Variants in ECHDC1 observed in about 807,000 individuals in gnomAD.
ECHDC1 encodes the protein ethylmalonyl-CoA decarboxylase.
In ECHDC1, 29 loss-of-function variants were observed where a neutral mutation model predicts 29.7. The ratio of observed to expected loss-of-function variants is 0.98; its 90% CI spans 0.73 to 1.33. The LOEUF is 1.33. Ranked by LOEUF, ECHDC1 falls within the 40% of genes most tolerant of loss-of-function variation. The pLI, the probability that ECHDC1 is intolerant of heterozygous loss-of-function variation, is 0.00. For missense variants in ECHDC1, 328 were observed against 350.0 expected (o/e 0.94, Z 0.50); for synonymous variants, 126 against 123.1 (o/e 1.02, Z -0.15).
chr6:127,325,315 A>G (rs1473515628), intron 3 of ECHDC1, among the ~76,000 whole-genome samples: 1 of 152,222 alleles, frequency 6.6e-6, no homozygotes. Context: ...AGGAATCTGA[A>G]ACAATGACAG....
chr6:127,336,691 C>T (rs533814627), intron 1 of ECHDC1, among the ~76,000 whole-genome samples: 10 of 152,072 alleles, frequency 6.6e-5, no homozygotes, highest in Middle Eastern at 6.8e-3. Context: ...ATATTTTACC[C>T]TGAAGGAGAA....
At chr6:127,315,081 A>T in intron 4 of ECHDC1, 185 bp from the exon 5 acceptor site, 1 of 701,080 alleles carries the variant, frequency 1.4e-6, no homozygotes, top group South Asian at 1.5e-5. Context: ...AAAACAGTGT[A>T]ATACTAAACA....
intron 2 of ECHDC1, chr6:127,329,822 C>A: frequency 2.3e-6 from 1 of 434,216 alleles, no homozygotes; most frequent in Non-Finnish European, 4.6e-6. Flanking sequence ...TGTGGCTCAC[C>A]TTTGTTTCTT....
intron 3 of ECHDC1, among the ~76,000 whole-genome samples, chr6:127,317,522 T>C (rs138349476): frequency 2.6e-5 from 4 of 152,184 alleles, no homozygotes; most frequent in African/African-American, 9.6e-5. Flanking sequence ...CGTAATTCAG[T>C]TTCCTCATTC....
intron 3 of ECHDC1, chr6:127,326,658 G>A: frequency 2.6e-6 from 1 of 383,478 alleles, no homozygotes; most frequent in Non-Finnish European, 5.3e-6. Context: ...ACAAAGTGGG[G>A]CATTTGAGGG....
intron 1 of ECHDC1, among the ~76,000 whole-genome samples, chr6:127,339,394 T>A (rs1784717665): frequency 6.6e-6 from 1 of 151,460 alleles, no homozygotes; most frequent in Non-Finnish European, 1.5e-5. Context: ...ACACATAATG[T>A]GGTTATTACT....
intron 1 of ECHDC1, chr6:127,342,832 GAA>G (rs1785074930): frequency 1.3e-5 from 2 of 155,530 alleles, no homozygotes; most frequent in Non-Finnish European, 2.8e-5. Flanking sequence ...ATTCTCCAAT[GAA>G]AGAACCTCTA....
At chr6:127,299,589 TA>T (rs1464882643) in intron 5 of ECHDC1, among the ~76,000 whole-genome samples, 1 of 152,100 alleles carries the variant, frequency 6.6e-6, no homozygotes, top group East Asian at 1.9e-4. Context: ...TACAAAAGAA[TA>T]AAAAAGTTTT....
intron 3 of ECHDC1, among the ~76,000 whole-genome samples, chr6:127,323,214 A>C (rs1562324603): frequency 1.3e-5 from 2 of 152,126 alleles, no homozygotes; most frequent in Admixed American, 6.5e-5. Flanking sequence ...ATCTGAAAAA[A>C]TGTAAAATCT....
intron 1 of ECHDC1, chr6:127,342,602 C>T (rs913485083): frequency 8.2e-6 from 4 of 490,178 alleles, no homozygotes; most frequent in Non-Finnish European, 1.5e-5. Context: ...CTTTGTTTTC[C>T]TTGCCCTTGT....
At chr6:127,301,896 T>G (rs957311134) in intron 5 of ECHDC1, among the ~76,000 whole-genome samples, 9 of 152,204 alleles carry the variant, frequency 5.9e-5, no homozygotes, top group African/African-American at 2.2e-4. Flanking sequence ...GGTTTGTGAA[T>G]GGCTGTGCCT....
At chr6:127,312,486 T>C (rs1417830527) in intron 5 of ECHDC1, among the ~76,000 whole-genome samples, 1 of 152,136 alleles carries the variant, frequency 6.6e-6, no homozygotes, top group African/African-American at 2.4e-5. Context: ...AGAATAAAAA[T>C]TATACAACCC....
chr6:127,324,430 T>C (rs935636950), intron 3 of ECHDC1, among the ~76,000 whole-genome samples: 24 of 152,178 alleles, frequency 1.6e-4, no homozygotes, highest in African/African-American at 5.3e-4. Flanking sequence ...GGCAGGCCTA[T>C]GTCTAAACCC....
intron 3 of ECHDC1, among the ~76,000 whole-genome samples, chr6:127,316,989 CT>C (rs1260511658): frequency 2.0e-5 from 3 of 151,836 alleles, no homozygotes; most frequent in Non-Finnish European, 2.9e-5. Flanking sequence ...ATTGCCTTGT[CT>C]TTTTTTTAGC....
At chr6:127,298,316 G>A (rs1780780951) in intron 5 of ECHDC1, among the ~76,000 whole-genome samples, 1 of 118,954 alleles carries the variant, frequency 8.4e-6, no homozygotes, top group Middle Eastern at 4.7e-3. Flanking sequence ...ATATAAAAAT[G>A]TGTACATGCT....
chr6:127,315,673 A>C, intron 4 of ECHDC1: 1 of 278,494 alleles, frequency 3.6e-6, no homozygotes, highest in South Asian at 3.5e-5. Flanking sequence ...TTATCTATGA[A>C]AAAGTCAAAT....
chr6:127,293,156 G>A (rs6936084), intron 5 of ECHDC1, among the ~76,000 whole-genome samples: 15,395 of 152,066 alleles, frequency 0.1, 1,749 homozygotes, highest in East Asian at 0.56. Flanking sequence ...TGTTCAGTGA[G>A]TTACTACTTC....
chr6:127,327,807 G>A (rs886403711), intron 2 of ECHDC1, among the ~76,000 whole-genome samples: 1 of 152,112 alleles, frequency 6.6e-6, no homozygotes, highest in African/African-American at 2.4e-5. Flanking sequence ...AATTCTATTG[G>A]AGCTTCTTTA....
At chr6:127,336,350 AAAT>A (rs1180866107) in intron 1 of ECHDC1, among the ~76,000 whole-genome samples, 1 of 152,182 alleles carries the variant, frequency 6.6e-6, no homozygotes, top group Non-Finnish European at 1.5e-5. Flanking sequence ...GATTCACTTG[AAAT>A]AATGTTCCTG....
Sources: allele counts gnomAD v4.1 joint callset (sites outside exome capture counted in the v4.1 genomes callset), GRCh38; gene constraint gnomAD v4.1.1; transcripts MANE v1.5; gene names NCBI Gene and HGNC (gene_info 2026-07-23, HGNC 2026-07-21).